LYPD1: variants seen among roughly 807,000 people sequenced by gnomAD.
LYPD1 encodes LY6/PLAUR domain containing 1.
A neutral mutation model predicts 14.2 loss-of-function variants in LYPD1; 14 were observed. The observed-to-expected ratio is 0.99, with a 90% confidence interval of 0.65 to 1.54. LYPD1 has a LOEUF of 1.54. LYPD1 is among the 40% of genes most tolerant of loss of function. LYPD1 has a pLI of 0.00. For missense variants in LYPD1, 165 were observed against 175.7 expected (o/e 0.94, Z 0.34); for synonymous variants, 85 against 70.6 (o/e 1.20, Z -1.02).
chr2:132,661,502 C>G (rs928776624), intron 2 of LYPD1, among the ~76,000 whole-genome samples: 33 of 152,162 alleles, frequency 2.2e-4, no homozygotes, highest in African/African-American at 8.0e-4. Flanking sequence ...TAAACCTGAG[C>G]TTTCTTTTTA....
intron 2 of LYPD1, among the ~76,000 whole-genome samples, chr2:132,658,485 C>A (rs1311141840): frequency 3.9e-5 from 6 of 152,088 alleles, no homozygotes; most frequent in Admixed American, 3.9e-4. Flanking sequence ...GCTGTTGCAG[C>A]CATAGCTGCC....
intron 2 of LYPD1, among the ~76,000 whole-genome samples, chr2:132,648,092 G>A (rs922663745): frequency 6.6e-6 from 1 of 152,196 alleles, no homozygotes; most frequent in African/African-American, 2.4e-5. Flanking sequence ...GGCACTGTTT[G>A]ATTTCTAAGG....
In LYPD1 at chr2:132,644,917, G is replaced by A. The variant is rs1681972649; in HGVS notation, c.*1128C>T. On this transcript the variant is annotated 3_prime_UTR_variant, in exon 3 of 3. Coordinates refer to ENST00000397463, the MANE Select transcript of LYPD1 (RefSeq NM_144586.7). ...CCAACTCCCCCGGGTTTGAAACAGTGTTAAATTCTCTCTTGCTTGTGGCAA... is the reference window on the plus strand; with the variant it reads ...CCAACTCCCCCGGGTTTGAAACAGTATTAAATTCTCTCTTGCTTGTGGCAA... 2 of 652,990 alleles carry A rather than the reference G, an allele frequency of 3.1e-6. No individual in the cohort carries two copies. Among genetic ancestry groups the A allele is most frequent in the Admixed American group, 3.1e-5 (1 of 32,312 alleles). 40.4% of individuals were successfully genotyped at this position (652,990 alleles called of 1,614,324 possible). A position where few individuals can be genotyped will look rare whatever the true frequency, so the allele number is the denominator to read the frequency against.
In LYPD1 at chr2:132,645,180, C is replaced by T. The variant is rs775441952; in HGVS notation, c.*865G>A. ...TCATGGCTGCGGCCAAACCCAAGCA[C>T]GACTGGACGAGGTCCTACTTCCGGG... is the stretch of plus-strand genomic sequence containing the variant. On this transcript the variant is annotated 3_prime_UTR_variant, in exon 3 of 3. Coordinates refer to ENST00000397463, the MANE Select transcript of LYPD1 (RefSeq NM_144586.7). 6.2e-7 allele frequency: 1 copy of T among 1,614,182 alleles called. No homozygotes were observed.
chr2:132,667,248 G>C (rs1683332112), intron 2 of LYPD1, among the ~76,000 whole-genome samples: 1 of 152,174 alleles, frequency 6.6e-6, no homozygotes, highest in Admixed American at 6.5e-5. Flanking sequence ...CCAGAAGAGT[G>C]ATTTTGGTGC....
chr2:132,645,986 G>T lies in LYPD1; in HGVS notation c.*59C>A. ...CAGAAGAAACTCACTCAGGGAGGTG[G>T]GGGGTTGGGGGCGAGGGCTGGAAGA... is the stretch of plus-strand genomic sequence containing the variant. On this transcript the variant is annotated 3_prime_UTR_variant, in exon 3 of 3. Transcript: ENST00000397463. 7.6e-7 allele frequency: 1 copy of T among 1,307,912 alleles called. No homozygotes were observed. Among genetic ancestry groups the T allele is most frequent in the Non-Finnish European group, 1.0e-6 (1 of 958,676 alleles). 81.0% of individuals were successfully genotyped at this position (1,307,912 alleles called of 1,614,324 possible).
Position 132,646,110 on chromosome 2 carries a change from G to GGGCCGAGGCAGAACTTCCCCTTTTC in LYPD1, c.336_360dup (p.Leu121GlufsTer55). The GGGCCGAGGCAGAACTTCCCCTTTTC allele has an allele frequency of 1.2e-6, 2 of 1,608,386 alleles. No individual in the cohort carries two copies. The highest frequency in any genetic ancestry group is 1.7e-6 in the Non-Finnish European group (2 of 1,176,928). On this transcript the variant is annotated frameshift_variant, in exon 3 of 3. Coordinates refer to ENST00000397463, the MANE Select transcript of LYPD1 (RefSeq NM_144586.7). LOFTEE classifies it high-confidence loss of function. ...ATGGTGGTGCGGAGCCCTGGCCTGA[G>GGGCCGAGGCAGAACTTCCCCTTTTC]GGCCGAGGCAGAACTTCCCCTTTTC... is the stretch of plus-strand genomic sequence containing the variant.
intron 2 of LYPD1, among the ~76,000 whole-genome samples, chr2:132,662,182 G>A (rs1042415703): frequency 6.6e-6 from 1 of 152,208 alleles, no homozygotes; most frequent in African/African-American, 2.4e-5. Context: ...TATAATATCT[G>A]GGCCACCCTT....
chr2:132,649,424 T>C (rs1682268041), intron 2 of LYPD1, among the ~76,000 whole-genome samples: 1 of 152,048 alleles, frequency 6.6e-6, no homozygotes, highest in South Asian at 2.1e-4. Context: ...TGGCTTCAGA[T>C]AAAGAAAGAA....
rs141664613 is a variant in LYPD1, at chr2:132,657,220, A to T, written c.191-10940T>A. 1.3e-5 allele frequency among the ~76,000 whole-genome samples: 2 copies of T among 152,320 alleles called. 1 individual carries two copies. Among genetic ancestry groups the T allele is most frequent in the East Asian group, 3.9e-4 (2 of 5,190 alleles). On this transcript the variant is annotated intron_variant, in intron 2 of 2. Coordinates refer to ENST00000397463, the MANE Select transcript of LYPD1 (RefSeq NM_144586.7). ...ATTGTTGGTTTTACTCTAGTCTTGC[A>T]TTAGACTTGGATTTCTTTGCTCATT... is the stretch of plus-strand genomic sequence containing the variant.
Position 132,670,044 on chromosome 2 carries a change from T to C in LYPD1, c.-112A>G, listed in dbSNP as rs1445072673. On this transcript the variant is annotated 5_prime_UTR_variant, in exon 1 of 3. Transcript: ENST00000397463. The surrounding 1 kb of genome is among the most constrained non-coding windows in gnomAD (Gnocchi z 4.5). ...CTGCCGAGGCTGCTGGGGCCCGCGC[T>C]GCTGCCGCGGAGACGACGGTCGTAG... 13 of 1,544,750 alleles carry C rather than the reference T, an allele frequency of 8.4e-6. No homozygotes were observed. Among genetic ancestry groups the C allele is most frequent in the South Asian group, 1.2e-5 (1 of 85,242 alleles).
intron 2 of LYPD1, among the ~76,000 whole-genome samples, chr2:132,649,601 A>C (rs1682273976): frequency 6.6e-6 from 1 of 152,146 alleles, no homozygotes; most frequent in Non-Finnish European, 1.5e-5. Flanking sequence ...AATGGCCCTG[A>C]GGTTTAGGCA....
rs1260395316 is a variant in LYPD1, at chr2:132,669,918, G to A, written c.15C>T (p.Gly5=). Residue 5 remains glycine, a synonymous_variant, in exon 1 of 3, where the codon GGC becomes GGT. Transcript: ENST00000397463. This position sits in a 1 kb window ranked among gnomAD's most constrained non-coding sequence, Gnocchi z 4.3. ...ACAATCCGCAAAAAGTTGCCGCGAT[G>A]CCTAGGACCCACATTCTCCCGGAGT... is the stretch of plus-strand genomic sequence containing the variant. MWVL[G]IAATFCGLFL... is the part of the protein sequence containing the mutation. 1 of 1,612,806 alleles carries A rather than the reference G, an allele frequency of 6.2e-7. No homozygotes were observed. Among genetic ancestry groups the A allele is most frequent in the Non-Finnish European group, 8.5e-7 (1 of 1,179,360 alleles).
chr2:132,664,424 A>G (rs956490043), intron 2 of LYPD1, among the ~76,000 whole-genome samples: 1 of 152,214 alleles, frequency 6.6e-6, no homozygotes, highest in Non-Finnish European at 1.5e-5. Flanking sequence ...GCCCAACTTA[A>G]TGAGCAACTA....
At position 132,646,186 on chromosome 2, in the gene LYPD1, T is replaced by C; in HGVS notation, c.285A>G (p.Ser95=). The C allele has an allele frequency of 2.5e-6, 4 of 1,609,794 alleles. 1 individual carries two copies. The highest frequency in any genetic ancestry group is 3.4e-6 in the Non-Finnish European group (4 of 1,177,676). The change falls in exon 3 of 3, where the codon TCA becomes TCG. Residue 95 remains serine (S), a synonymous_variant. Coordinates refer to ENST00000397463, the MANE Select transcript of LYPD1 (RefSeq NM_144586.7). Reference sequence around the variant, plus strand: ...GGGTGTTGCAGCAGCTGATGCAAACTGAGTTCAGTTTCCCTGGGGAGCAGA... The same window carrying C: ...GGGTGTTGCAGCAGCTGATGCAAACCGAGTTCAGTTTCCCTGGGGAGCAGA... ...QSFCSPGKLN[S]VCISCCNTPL... is the part of the protein sequence containing the mutation.
chr2:132,649,097 C>T (rs572024631), intron 2 of LYPD1, among the ~76,000 whole-genome samples: 30 of 152,156 alleles, frequency 2.0e-4, no homozygotes, highest in African/African-American at 7.2e-4. Context: ...TGGCTGGTGT[C>T]AGGGTATGGA....
Position 132,646,283 on chromosome 2 carries a change from GTAA to G in LYPD1, c.191-6_191-4del. The G allele has an allele frequency of 6.7e-7, 1 of 1,487,278 alleles. No individual in the cohort carries two copies. The highest frequency in any genetic ancestry group is 1.4e-5 in the South Asian group (1 of 70,894). The allele number at this position is 1,487,278 out of a possible 1,614,324, so 92.1% of individuals were successfully genotyped here. ...ACAGGACTTGCGGTACATGATCCCT[GTAA>G]CACAGACCCAAAGGAGCTGAGTTAA... On this transcript the variant is annotated splice_region_variant and splice_polypyrimidine_tract_variant and intron_variant, in intron 2 of 2. Coordinates refer to ENST00000397463, the MANE Select transcript of LYPD1 (RefSeq NM_144586.7).
At chr2:132,655,325 A>G (rs184900536) in intron 2 of LYPD1, among the ~76,000 whole-genome samples, 24 of 152,060 alleles carry the variant, frequency 1.6e-4, no homozygotes, top group African/African-American at 5.3e-4. Context: ...CTCAGTAGCA[A>G]TGGTGATATT....
Position 132,644,432 on chromosome 2 carries a change from G to A in LYPD1, c.*1613C>T, listed in dbSNP as rs1681944636. Among the ~76,000 whole-genome samples, 1 of 152,184 alleles carries A rather than the reference G, an allele frequency of 6.6e-6. No individual in the cohort carries two copies. The highest frequency in any genetic ancestry group is 2.1e-4 in the South Asian group (1 of 4,826). On this transcript the variant is annotated 3_prime_UTR_variant, in exon 3 of 3. Coordinates refer to ENST00000397463, the MANE Select transcript of LYPD1 (RefSeq NM_144586.7). Reference sequence around the variant, plus strand: ...TGAATAATTCTTTTTCCCCACATGAGGGATCTAAAAGTGTCTGAAAAGAAA... The same window carrying A: ...TGAATAATTCTTTTTCCCCACATGAAGGATCTAAAAGTGTCTGAAAAGAAA...
Sources: allele counts gnomAD v4.1 joint callset (sites outside exome capture counted in the v4.1 genomes callset), GRCh38; gene constraint gnomAD v4.1.1; non-coding constraint Gnocchi (gnomAD v3.1); transcripts MANE v1.5; gene names NCBI Gene and HGNC (gene_info 2026-07-23, HGNC 2026-07-21).